The following MYBPC1 variants were observed in gnomAD, a reference collection of about 807,000 sequenced individuals.
MYBPC1 encodes myosin binding protein C1, also known as myosin-binding protein C, slow-type.
Under a neutral mutation model 147.1 loss-of-function variants are expected in MYBPC1, and 52 were observed. That is an observed-to-expected ratio of 0.35 (90% CI 0.28 to 0.45). The LOEUF (loss-of-function observed/expected upper bound fraction) is 0.45. Among genes scored for constraint, MYBPC1 ranks in the 20% least tolerant of loss-of-function variants. MYBPC1 has a pLI of 1.00. For synonymous variants in MYBPC1, 477 were observed against 475.9 expected (o/e 1.00, Z -0.03); for missense variants, 1,228 against 1,440.3 (o/e 0.85, Z 2.39).
chr12:101,599,012 C>T (rs933438928), intron 1 of MYBPC1, among the ~76,000 whole-genome samples: 9 of 152,076 alleles, frequency 5.9e-5, no homozygotes, highest in African/African-American at 1.7e-4. Flanking sequence ...TTAACTTGTC[C>T]GAAAAGGCAA....
chr12:101,691,846 C>T, the MYBPC1 span, among the ~76,000 whole-genome samples: 1 of 152,152 alleles, frequency 6.6e-6, no homozygotes, highest in African/African-American at 2.4e-5. Context: ...TCAGTGCAGG[C>T]TTGGTCTGAC....
intron 10 of MYBPC1, among the ~76,000 whole-genome samples, chr12:101,640,882 A>C (rs769779054): frequency 1.3e-5 from 2 of 152,110 alleles, no homozygotes; most frequent in African/African-American, 2.4e-5. Flanking sequence ...TGGGATGCCG[A>C]GGTGGACGGA....
At chr12:101,618,926 GTA>G (rs143229545) in intron 3 of MYBPC1, among the ~76,000 whole-genome samples, 1 of 148,994 alleles carries the variant, frequency 6.7e-6, no homozygotes, top group African/African-American at 2.5e-5. Flanking sequence ...GCAAATACAT[GTA>G]TATATATATG....
rs1157123507 is a variant in MYBPC1 at position 101,678,211 on chromosome 12, A to G, written c.3219A>G (p.Leu1073=). ...CCATAGCTGGTTACAATGCCACCCT[A>G]AACTGCAGTGTGAGAGGAAATCCTA... The part of the protein sequence containing the change: ...TYAIAGYNAT[L]NCSVRGNPKP... The change falls in exon 28 of 32, where the codon CTA becomes CTG. Residue 1073 remains leucine, a synonymous_variant. Coordinates refer to ENST00000361466, the MANE Select transcript of MYBPC1 (RefSeq NM_002465.4). The G allele has an allele frequency of 6.2e-7, 1 of 1,614,152 alleles. No homozygotes were observed. The highest frequency in any genetic ancestry group is 2.2e-5 in the East Asian group (1 of 44,872).
intron 12 of MYBPC1, 68 bp from the exon 13 acceptor site, chr12:101,646,695 G>A: frequency 6.4e-7 from 1 of 1,564,386 alleles, no homozygotes; most frequent in Admixed American, 1.7e-5. Flanking sequence ...AGCCAAATTT[G>A]CTGGCAATAA....
At chr12:101,613,956 T>C (rs1163332721) in intron 1 of MYBPC1, among the ~76,000 whole-genome samples, 1 of 152,210 alleles carries the variant, frequency 6.6e-6, no homozygotes, top group Non-Finnish European at 1.5e-5. Context: ...CAGAACAATG[T>C]TGGCGATGCA....
chr12:101,610,426 GCAAA>G (rs1312551323), intron 1 of MYBPC1, among the ~76,000 whole-genome samples: 1 of 152,100 alleles, frequency 6.6e-6, no homozygotes, highest in African/African-American at 2.4e-5. Flanking sequence ...CATCCCAAAT[GCAAA>G]CACGTTTTAA....
intron 6 of MYBPC1, 50 bp downstream of exon 6, chr12:101,629,594 C>G: frequency 1.5e-6 from 2 of 1,334,062 alleles, no homozygotes; most frequent in Non-Finnish European, 2.1e-6. Context: ...TAAGGTGAGC[C>G]GAGCACGGTG....
chr12:101,684,892 CT>C (rs1342425303), intron 31 of MYBPC1, among the ~76,000 whole-genome samples: 1 of 152,154 alleles, frequency 6.6e-6, no homozygotes, highest in Non-Finnish European at 1.5e-5. Context: ...TAGTAAAGCA[CT>C]TCACTAAAGG....
At chr12:101,624,042 T>C (rs923594041) in intron 3 of MYBPC1, among the ~76,000 whole-genome samples, 3 of 152,154 alleles carry the variant, frequency 2.0e-5, no homozygotes, top group Non-Finnish European at 2.9e-5. Context: ...CCAGTACACA[T>C]TATTTGCACA....
chr12:101,662,082 A>G (rs1896678145), intron 20 of MYBPC1, among the ~76,000 whole-genome samples: 1 of 152,074 alleles, frequency 6.6e-6, no homozygotes, highest in Non-Finnish European at 1.5e-5. Context: ...TTGTTCACCT[A>G]CAGTGACTAA....
At chr12:101,614,429 G>A in intron 1 of MYBPC1, 67 bp from the exon 2 acceptor site, 1 of 1,580,500 alleles carries the variant, frequency 6.3e-7, no homozygotes, top group Non-Finnish European at 8.7e-7. Flanking sequence ...GCTGCCTGGG[G>A]CTGTAGAAAG....
intron 11 of MYBPC1, among the ~76,000 whole-genome samples, chr12:101,644,313 A>C (rs929322349): frequency 6.6e-6 from 1 of 152,256 alleles, no homozygotes; most frequent in Non-Finnish European, 1.5e-5. Flanking sequence ...CTGGGATTAC[A>C]GGAGTGAGCC....
intron 18 of MYBPC1, among the ~76,000 whole-genome samples, chr12:101,658,855 A>G (rs1896045353): frequency 6.6e-6 from 1 of 152,230 alleles, no homozygotes; most frequent in Non-Finnish European, 1.5e-5. Flanking sequence ...TGATACAGAC[A>G]CAAAAGAGTA....
At position 101,626,833 on chromosome 12, in the gene MYBPC1, C is replaced by A. The variant is rs773276085; in HGVS notation, c.104-39C>A. 3.2e-6 allele frequency: 5 copies of A among 1,562,630 alleles called. No individual in the cohort carries two copies. The South Asian group carries it at 3.3e-5, about 10-fold the overall frequency. On this transcript the variant is annotated intron_variant, in intron 3 of 31. Coordinates refer to ENST00000361466, the MANE Select transcript of MYBPC1 (RefSeq NM_002465.4). ...TTTCTCAGGTTACTTGGGATGAAGT[C>A]TTTTCTCCTTGACTTTTTACTCCTA...
intron 2 of MYBPC1, among the ~76,000 whole-genome samples, chr12:101,616,306 G>A (rs1465596624): frequency 6.6e-6 from 1 of 152,068 alleles, no homozygotes; most frequent in Non-Finnish European, 1.5e-5. Context: ...CCAACATTGA[G>A]TACACTGAGA....
rs75272994 is a variant in MYBPC1, at chr12:101,655,765, T to C, written c.1767+2517T>C. 8.8e-3 allele frequency among the ~76,000 whole-genome samples: 1,340 copies of C among 152,188 alleles called. 24 individuals are homozygous for C. Among genetic ancestry groups the C allele is most frequent in the African/African-American group, 0.031 (1,278 of 41,534 alleles). The stretch of plus-strand genomic sequence containing the variant: ...AGGGAATTTGTTGCCAATGGATCTG[T>C]CTTGCAAAAAAATATTAAAAGTTGT... On this transcript the variant is annotated intron_variant, in intron 18 of 31. Coordinates refer to ENST00000361466, the MANE Select transcript of MYBPC1 (RefSeq NM_002465.4).
the MYBPC1 span, among the ~76,000 whole-genome samples, chr12:101,693,204 C>T: frequency 6.6e-6 from 1 of 152,140 alleles, no homozygotes; most frequent in Non-Finnish European, 1.5e-5. Flanking sequence ...CCTTGGCCTC[C>T]CAAGGTGCTG....
chr12:101,684,082 G>C (rs1425331850), intron 30 of MYBPC1, among the ~76,000 whole-genome samples: 2 of 152,022 alleles, frequency 1.3e-5, no homozygotes, highest in Non-Finnish European at 2.9e-5. Context: ...CTAATGGTTT[G>C]GAAGCTCTTA....
Sources: gnomAD v4.1 joint callset for allele counts (sites outside exome capture counted in the v4.1 genomes callset) on GRCh38, gnomAD v4.1.1 for gene constraint, MANE v1.5 for transcripts, NCBI Gene and HGNC (gene_info 2026-07-23, HGNC 2026-07-21) for gene names.